The following SPIN1 variants were observed in gnomAD, a reference collection of about 807,000 sequenced individuals.
SPIN1 encodes the protein spindlin 1, also known as spindlin-1.
A neutral mutation model predicts 26.0 loss-of-function variants in SPIN1; 3 were observed. The ratio of observed to expected loss-of-function variants is 0.12; its 90% CI spans 0.05 to 0.30. The LOEUF (loss-of-function observed/expected upper bound fraction) is 0.30, where lower values mean the gene tolerates loss of function less well. Among genes scored for constraint, SPIN1 ranks in the 10% least tolerant of loss-of-function variants. SPIN1 has a pLI of 1.00. For synonymous variants in SPIN1, 101 were observed against 116.5 expected, an observed-to-expected ratio of 0.87 and a Z score of 0.86; for missense variants, 126 against 333.4, an observed-to-expected ratio of 0.38 and a Z score of 4.84.
At chr9:88,461,606 C>T (rs959958203) in intron 3 of SPIN1, among the ~76,000 whole-genome samples, 4 of 152,120 alleles carry the variant, frequency 2.6e-5, no homozygotes, top group East Asian at 1.9e-4. Flanking sequence ...TCATGGTGTA[C>T]GAAATGAGAG....
At chr9:88,431,353 T>C (rs912006772) in intron 2 of SPIN1, among the ~76,000 whole-genome samples, 1 of 151,334 alleles carries the variant, frequency 6.6e-6, no homozygotes. Context: ...TGCAGTGGCA[T>C]GATCTCGGCT....
intron 1 of SPIN1, among the ~76,000 whole-genome samples, chr9:88,409,900 C>G (rs1827400382): frequency 6.6e-6 from 1 of 151,904 alleles, no homozygotes; most frequent in Non-Finnish European, 1.5e-5. Context: ...CTTTTCCCTC[C>G]TTCTTAAGTT....
At chr9:88,407,115 G>T (rs1482261355) in intron 1 of SPIN1, among the ~76,000 whole-genome samples, 1 of 143,344 alleles carries the variant, frequency 7.0e-6, no homozygotes, top group Admixed American at 7.1e-5. Context: ...GTCTAGACAT[G>T]CCTCAAATTG....
rs373838447 is a variant in SPIN1 at position 88,443,258 on chromosome 9, GT to G, written c.53-5678del. ...TCCCATAGTTCTTGGGTATTCCGGG[GT>G]TTTTCTCTCTGCTTTTCAGTTTTGG... On this transcript the variant is annotated intron_variant, in intron 2 of 5. Coordinates refer to ENST00000375859, the MANE Select transcript of SPIN1 (RefSeq NM_006717.3). Among the ~76,000 whole-genome samples the G allele has an allele frequency of 1.3e-3, 202 of 152,170 alleles. 2 individuals are homozygous for G. The highest frequency in any genetic ancestry group is 4.6e-3 in the African/African-American group (191 of 41,532).
At chr9:88,405,840 T>A (rs1827290429) in intron 1 of SPIN1, among the ~76,000 whole-genome samples, 1 of 151,820 alleles carries the variant, frequency 6.6e-6, no homozygotes, top group Non-Finnish European at 1.5e-5. Flanking sequence ...CATTATAATT[T>A]TTTTTGTTTG....
At chr9:88,428,207 A>T (rs559549945) in intron 2 of SPIN1, among the ~76,000 whole-genome samples, 10 of 152,186 alleles carry the variant, frequency 6.6e-5, no homozygotes, top group Non-Finnish European at 1.0e-4. Flanking sequence ...TTAGATTCAG[A>T]GGTACGTGTT....
At chr9:88,403,514 G>A (rs1244163273) in intron 1 of SPIN1, among the ~76,000 whole-genome samples, 1 of 152,116 alleles carries the variant, frequency 6.6e-6, no homozygotes, top group Non-Finnish European at 1.5e-5. Context: ...TTTGAGACCA[G>A]CCTGGGCAAC....
intron 2 of SPIN1, among the ~76,000 whole-genome samples, chr9:88,446,338 A>G (rs187969382): frequency 6.6e-6 from 1 of 150,708 alleles, no homozygotes; most frequent in East Asian, 1.9e-4. Flanking sequence ...TTTAATTATC[A>G]ATGTGTTGCA....
intron 5 of SPIN1, among the ~76,000 whole-genome samples, chr9:88,471,570 G>A (rs1009198864): frequency 1.3e-4 from 18 of 138,346 alleles, no homozygotes; most frequent in Non-Finnish European, 2.1e-4. Context: ...CAGGAGAATC[G>A]CTTGAACCTG....
At chr9:88,459,930 C>T (rs1270287741) in intron 3 of SPIN1, among the ~76,000 whole-genome samples, 2 of 152,146 alleles carry the variant, frequency 1.3e-5, no homozygotes, top group African/African-American at 4.8e-5. Flanking sequence ...TACTCTGTTG[C>T]CTTCTGGCAT....
intron 1 of SPIN1, chr9:88,411,525 T>G: frequency 1.5e-6 from 1 of 674,020 alleles, no homozygotes; most frequent in South Asian, 2.0e-5. Context: ...AGAAAGCTTT[T>G]TTTTTGGAGA....
At chr9:88,442,072 C>T (rs1427990700) in intron 2 of SPIN1, among the ~76,000 whole-genome samples, 1 of 151,094 alleles carries the variant, frequency 6.6e-6, no homozygotes, top group Middle Eastern at 3.2e-3. Flanking sequence ...CTGCCTCAGC[C>T]TCCCAAGTAG....
At chr9:88,451,495 A>G (rs1048924917) in intron 3 of SPIN1, among the ~76,000 whole-genome samples, 2 of 152,184 alleles carry the variant, frequency 1.3e-5, no homozygotes, top group African/African-American at 4.8e-5. Flanking sequence ...ACTGGTGGAT[A>G]CACCTTTCTG....
rs1361155934 is a variant in SPIN1, at chr9:88,443,132, A to C, written c.53-5809A>C. Among the ~76,000 whole-genome samples the C allele has an allele frequency of 4.0e-5, 6 of 151,778 alleles. No homozygotes were observed. The East Asian group carries it at 7.7e-4, about 20-fold the overall frequency. On this transcript the variant is annotated intron_variant, in intron 2 of 5. Coordinates refer to ENST00000375859, the MANE Select transcript of SPIN1 (RefSeq NM_006717.3). ...GAGACTCCATCTCAAAAAAAAAAAAAAACAAAAAAAAACTCAGTCTTTGCT... is the reference window on the plus strand; with the variant it reads ...GAGACTCCATCTCAAAAAAAAAAAACAACAAAAAAAAACTCAGTCTTTGCT...
chr9:88,437,770 C>T (rs1451842323), intron 2 of SPIN1, among the ~76,000 whole-genome samples: 1 of 152,160 alleles, frequency 6.6e-6, no homozygotes, highest in Non-Finnish European at 1.5e-5. Flanking sequence ...GATTTCTGCT[C>T]TAATTTTTAA....
intron 2 of SPIN1, among the ~76,000 whole-genome samples, chr9:88,448,047 C>CTT (rs113183923): frequency 0.026 from 3,748 of 142,714 alleles, 163 homozygotes; most frequent in African/African-American, 0.091. Flanking sequence ...TTGTTTTGGT[C>CTT]TTTTTTTTTT....
chr9:88,467,290 T>TACTG (rs1239380260), intron 4 of SPIN1, among the ~76,000 whole-genome samples: 1 of 152,158 alleles, frequency 6.6e-6, no homozygotes, highest in Non-Finnish European at 1.5e-5. Flanking sequence ...ATCATACAAA[T>TACTG]ACTGACCTGC....
At chr9:88,449,502 A>T (rs535653007) in intron 3 of SPIN1, among the ~76,000 whole-genome samples, 2 of 152,206 alleles carry the variant, frequency 1.3e-5, no homozygotes, top group African/African-American at 2.4e-5. Context: ...AGATAATGCA[A>T]TAGCCATCTA....
At chr9:88,464,110 C>T (rs935350806) in intron 4 of SPIN1, among the ~76,000 whole-genome samples, 1 of 152,166 alleles carries the variant, frequency 6.6e-6, no homozygotes, top group South Asian at 2.1e-4. Flanking sequence ...GGTATTATCT[C>T]TGTTTCCAAC....
Sources: gnomAD v4.1 joint callset for allele counts (sites outside exome capture counted in the v4.1 genomes callset) on GRCh38, gnomAD v4.1.1 for gene constraint, MANE v1.5 for transcripts, NCBI Gene and HGNC (gene_info 2026-07-23, HGNC 2026-07-21) for gene names.